The following ATG7 variants were observed in gnomAD, a reference collection of about 807,000 sequenced individuals.
ATG7 encodes the protein autophagy related 7.
Under a neutral mutation model 82.4 loss-of-function variants are expected in ATG7, and 70 were observed. The ratio of observed to expected loss-of-function variants is 0.85; its 90% CI spans 0.70 to 1.04. ATG7 has a LOEUF of 1.04. Ranked by LOEUF, ATG7 falls within the 50% of genes least tolerant of loss-of-function variation. ATG7 has a pLI of 0.00. For missense variants in ATG7, 792 were observed against 864.3 expected, an observed-to-expected ratio of 0.92 and a Z score of 1.05; for synonymous variants, 287 against 313.0, an observed-to-expected ratio of 0.92 and a Z score of 0.88.
chr3:11,402,060 G>A (rs536326273), intron 19 of ATG7, among the ~76,000 whole-genome samples: 1 of 152,118 alleles, frequency 6.6e-6, no homozygotes, highest in African/African-American at 2.4e-5. Context: ...ACTGAGACAG[G>A]AATAATAACA....
At chr3:11,414,632 C>T (rs1032853786) in intron 19 of ATG7, among the ~76,000 whole-genome samples, 1 of 151,764 alleles carries the variant, frequency 6.6e-6, no homozygotes, top group African/African-American at 2.4e-5. Flanking sequence ...TGTTTTCTTG[C>T]CTTCTTGCCT....
intron 7 of ATG7, among the ~76,000 whole-genome samples, chr3:11,311,883 C>G (rs1948731066): frequency 6.6e-6 from 1 of 151,138 alleles, no homozygotes; most frequent in South Asian, 2.1e-4. Context: ...ATTAGACTTT[C>G]TCATCTGTAC....
intron 3 of ATG7, chr3:11,290,594 C>T (rs866530042): frequency 9.1e-6 from 3 of 330,778 alleles, no homozygotes; most frequent in Non-Finnish European, 1.8e-5. Context: ...AACCAGCCAC[C>T]CCCAGGTAGG....
intron 20 of ATG7, among the ~76,000 whole-genome samples, chr3:11,445,668 C>T (rs1280784073): frequency 6.6e-6 from 1 of 152,144 alleles, no homozygotes; most frequent in African/African-American, 2.4e-5. Flanking sequence ...ACATATACCC[C>T]TGAACTTACA....
At chr3:11,382,151 G>A (rs973394447) in intron 19 of ATG7, among the ~76,000 whole-genome samples, 4 of 152,194 alleles carry the variant, frequency 2.6e-5, no homozygotes, top group Admixed American at 6.5e-5. Flanking sequence ...TCAAGGCCAT[G>A]CTTGTGTCTT....
At chr3:11,287,292 G>A (rs924371273) in intron 3 of ATG7, among the ~76,000 whole-genome samples, 1 of 152,182 alleles carries the variant, frequency 6.6e-6, no homozygotes, top group African/African-American at 2.4e-5. Context: ...TGAGGGGAGT[G>A]AAGACAGGCG....
intron 13 of ATG7, 50 bp downstream of exon 13, chr3:11,342,329 T>C (rs367661117): frequency 7.9e-5 from 124 of 1,566,888 alleles, no homozygotes; most frequent in Non-Finnish European, 1.0e-4. Flanking sequence ...TTGTAGCTTC[T>C]CTTCTTGTTT....
At chr3:11,531,159 G>A (rs1187191969) in intron 20 of ATG7, among the ~76,000 whole-genome samples, 1 of 152,158 alleles carries the variant, frequency 6.6e-6, no homozygotes, top group Non-Finnish European at 1.5e-5. Flanking sequence ...GTCAGCAGTA[G>A]GTACAGAGTC....
chr3:11,420,349 T>A (rs1576289542), intron 19 of ATG7, among the ~76,000 whole-genome samples: 1 of 152,304 alleles, frequency 6.6e-6, no homozygotes, highest in Non-Finnish European at 1.5e-5. Context: ...AGGAGGCCTT[T>A]TTTTGTTTTT....
chr3:11,328,381 T>G (rs749191041), intron 9 of ATG7, among the ~76,000 whole-genome samples: 1 of 152,230 alleles, frequency 6.6e-6, no homozygotes, highest in Non-Finnish European at 1.5e-5. Context: ...TGCTGAAACC[T>G]TATCTCTGTG....
the ATG7 span, among the ~76,000 whole-genome samples, chr3:11,573,323 GA>G: frequency 1.6e-3 from 56 of 34,440 alleles, 4 homozygotes; most frequent in Non-Finnish European, 2.3e-3. Flanking sequence ...AAGGAAGAAA[GA>G]AAGAAAGAAA....
chr3:11,310,367 G>T (rs1559369344), intron 7 of ATG7, among the ~76,000 whole-genome samples: 1 of 151,812 alleles, frequency 6.6e-6, no homozygotes, highest in Admixed American at 6.6e-5. Context: ...TCTTTTTTTG[G>T]CAAGTTTTCC....
At position 11,444,010 on chromosome 3, in the gene ATG7, T is replaced by G. The variant is rs554468393; in HGVS notation, c.2079+17084T>G. Among the ~76,000 whole-genome samples, 22 of 152,324 alleles carry G rather than the reference T, an allele frequency of 1.4e-4. No homozygotes were observed. In the South Asian group the frequency reaches 3.7e-3, roughly 26 times the overall value. ...AAACTTTTCCTGTACAACTTCAGTC[T>G]GGTATATGGGTCTTAAACAATATAA... On this transcript the variant is annotated intron_variant, in intron 20 of 20. Transcript: ENST00000693202.
chr3:11,463,033 G>A (rs1368306205), intron 20 of ATG7, among the ~76,000 whole-genome samples: 1 of 152,038 alleles, frequency 6.6e-6, no homozygotes, highest in Non-Finnish European at 1.5e-5. Flanking sequence ...TGACAGGCAT[G>A]TGCAATCATG....
intron 20 of ATG7, among the ~76,000 whole-genome samples, chr3:11,509,915 T>G (rs765324955): frequency 3.3e-5 from 5 of 152,196 alleles, no homozygotes; most frequent in Non-Finnish European, 7.4e-5. Context: ...AGGATCCTGA[T>G]AGTGATCTTG....
At chr3:11,568,700 C>A in the ATG7 span, 1 of 1,550,420 alleles carries the variant, frequency 6.4e-7, no homozygotes, top group Non-Finnish European at 8.7e-7. The surrounding 1 kb of genome is among the most constrained non-coding windows in gnomAD (Gnocchi z 5.9). Flanking sequence ...GCCACTGCTT[C>A]CCAGGCGTCA....
At chr3:11,332,614 G>C (rs1951811616) in intron 10 of ATG7, 1 of 156,374 alleles carries the variant, frequency 6.4e-6, no homozygotes, top group Admixed American at 6.5e-5. Context: ...GGGGAGAGCA[G>C]AGGGAACCAA....
At chr3:11,491,284 T>C (rs1355537969) in intron 20 of ATG7, among the ~76,000 whole-genome samples, 1 of 152,246 alleles carries the variant, frequency 6.6e-6, no homozygotes, top group Non-Finnish European at 1.5e-5. Flanking sequence ...GGCTTCTGCA[T>C]TCTTCACGTA....
intron 19 of ATG7, among the ~76,000 whole-genome samples, chr3:11,393,091 T>C (rs770282761): frequency 6.6e-6 from 1 of 152,208 alleles, no homozygotes; most frequent in Non-Finnish European, 1.5e-5. Context: ...TGGAATCCTC[T>C]GTTAAGTGTC....
Sources: allele counts gnomAD v4.1 joint callset (sites outside exome capture counted in the v4.1 genomes callset), GRCh38; gene constraint gnomAD v4.1.1; non-coding constraint Gnocchi (gnomAD v3.1); transcripts MANE v1.5; gene names NCBI Gene and HGNC (gene_info 2026-07-23, HGNC 2026-07-21).